PCDHA3: variants seen among roughly 807,000 people sequenced by gnomAD.
The protein encoded by PCDHA3 is protocadherin alpha 3.
A neutral mutation model predicts 62.2 loss-of-function variants in PCDHA3; 41 were observed. The ratio of observed to expected loss-of-function variants is 0.66; its 90% CI spans 0.51 to 0.86. The LOEUF (loss-of-function observed/expected upper bound fraction) is 0.86, where lower values mean the gene tolerates loss of function less well. Among genes scored for constraint, PCDHA3 ranks in the 40% least tolerant of loss-of-function variants. The pLI is 0.00. For missense variants in PCDHA3, 1,304 were observed against 1,241.2 expected, an observed-to-expected ratio of 1.05 and a Z score of -0.76; for synonymous variants, 640 against 555.4, an observed-to-expected ratio of 1.15 and a Z score of -2.14.
intron 1 of PCDHA3, chr5:140,856,463 C>T (rs782279735): frequency 1.3e-6 from 2 of 1,598,356 alleles, no homozygotes; most frequent in Admixed American, 3.4e-5. Context: ...AGAACAAAAG[C>T]TCTCAATACC....
intron 1 of PCDHA3, among the ~76,000 whole-genome samples, chr5:140,833,040 A>T (rs1043958176): frequency 3.9e-5 from 6 of 152,216 alleles, no homozygotes; most frequent in Non-Finnish European, 8.8e-5. Context: ...TGTGATATAA[A>T]GCAAGAAAAG....
chr5:140,882,870 A>T, intron 1 of PCDHA3: 1 of 1,614,196 alleles, frequency 6.2e-7, no homozygotes, highest in South Asian at 1.1e-5. Flanking sequence ...AAAACACTGG[A>T]CAGAGAGGAA....
chr5:140,986,042 C>T (rs1344724281), intron 3 of PCDHA3, among the ~76,000 whole-genome samples: 1 of 152,104 alleles, frequency 6.6e-6, no homozygotes, highest in Admixed American at 6.5e-5. Context: ...CCTGGCCTCA[C>T]TGATGAATTC....
intron 1 of PCDHA3, chr5:140,884,505 G>A: frequency 6.2e-7 from 1 of 1,614,170 alleles, no homozygotes. Context: ...AGCGCGGCAG[G>A]GAGTTGGTCG....
intron 3 of PCDHA3, among the ~76,000 whole-genome samples, chr5:141,000,339 ATC>A (rs1414297743): frequency 2.0e-5 from 2 of 102,334 alleles, no homozygotes; most frequent in Admixed American, 1.0e-4. Context: ...GCAAGGCCCT[ATC>A]TCTCTCTCTG....
chr5:140,884,734 C>A (rs1198575388), intron 1 of PCDHA3: 5 of 1,445,332 alleles, frequency 3.5e-6, no homozygotes, highest in Non-Finnish European at 4.6e-6. Flanking sequence ...TTTAAGACAT[C>A]TTTCCTGCCA....
In PCDHA3 at chr5:141,010,806, C is replaced by T. The variant is rs1404036886; in HGVS notation, c.*869C>T. ...GCAAAAGCAAAAGAAAACCCCGACA[C>T]CTCACCTTTCGCTGTTTGTTGTTTC... On this transcript the variant is annotated 3_prime_UTR_variant, in exon 4 of 4. Transcript: ENST00000522353. 2 of 153,736 alleles carry T rather than the reference C, an allele frequency of 1.3e-5. No individual in the cohort carries two copies. Among genetic ancestry groups the T allele is most frequent in the Non-Finnish European group, 1.5e-5 (1 of 68,048 alleles). 9.5% of individuals were successfully genotyped at this position (153,736 alleles called of 1,614,324 possible).
intron 1 of PCDHA3, chr5:140,842,811 G>A: frequency 6.3e-7 from 1 of 1,594,024 alleles, no homozygotes; most frequent in Non-Finnish European, 8.6e-7. Context: ...CTTGTGGAGC[G>A]GCGGGTGGGC....
intron 1 of PCDHA3, chr5:140,868,845 A>G (rs1242434681): frequency 6.7e-6 from 3 of 451,106 alleles, no homozygotes; most frequent in Non-Finnish European, 7.5e-6. Flanking sequence ...AACACGTGAA[A>G]TTCTGTGGTG....
intron 1 of PCDHA3, among the ~76,000 whole-genome samples, chr5:140,833,272 CTTAT>C (rs1464609454): frequency 1.3e-5 from 2 of 152,102 alleles, no homozygotes; most frequent in Non-Finnish European, 2.9e-5. Flanking sequence ...ATTATAAAAA[CTTAT>C]TTAGGAAAGC....
At chr5:140,902,560 G>T (rs558432897) in intron 1 of PCDHA3, among the ~76,000 whole-genome samples, 9 of 152,072 alleles carry the variant, frequency 5.9e-5, no homozygotes, top group Non-Finnish European at 1.2e-4. Flanking sequence ...CCAGATTTTT[G>T]AGGGTTTTTA....
chr5:140,840,744 A>T (rs2150309255), intron 1 of PCDHA3, among the ~76,000 whole-genome samples: 1 of 152,224 alleles, frequency 6.6e-6, no homozygotes, highest in Non-Finnish European at 1.5e-5. Flanking sequence ...ATTTAACAAT[A>T]AGAACACAAG....
At chr5:140,870,929 A>C in intron 1 of PCDHA3, 3 of 1,613,868 alleles carry the variant, frequency 1.9e-6, no homozygotes, top group Non-Finnish European at 2.5e-6. Context: ...CTTTCATATG[A>C]ATTGCAGCCG....
At chr5:140,842,623 G>T in intron 1 of PCDHA3, 2 of 1,579,148 alleles carry the variant, frequency 1.3e-6, no homozygotes, top group Non-Finnish European at 1.7e-6. Context: ...GCTCGCCTTC[G>T]CTGTGGGCCA....
chr5:140,929,398 AG>A, intron 1 of PCDHA3: 1 of 1,510,096 alleles, frequency 6.6e-7, no homozygotes, highest in Non-Finnish European at 8.9e-7. Flanking sequence ...AATATTTCTT[AG>A]ACAAGCCTTT....
chr5:140,957,883 A>C (rs1413437105), intron 1 of PCDHA3, among the ~76,000 whole-genome samples: 1 of 152,098 alleles, frequency 6.6e-6, no homozygotes. Flanking sequence ...TGAAAAGCTG[A>C]AGTTGGCATC....
rs191251073 is a variant in PCDHA3, at chr5:140,928,748, G to A, written c.2395-50201G>A. 503 of 1,614,114 alleles carry A rather than the reference G, an allele frequency of 3.1e-4. 5 individuals carry two copies. The East Asian group carries it at 1.0e-2, about 32-fold the overall frequency. Reference sequence around the variant, plus strand: ...ATTTCAGCCAATATAGGTGAGCTCCGTACTGCTCGCTTAGTTCTTCCCACT... The same window carrying A: ...ATTTCAGCCAATATAGGTGAGCTCCATACTGCTCGCTTAGTTCTTCCCACT... On this transcript the variant is annotated intron_variant, in intron 1 of 3. Transcript: ENST00000522353.
chr5:140,941,310 C>T (rs1375547519), intron 1 of PCDHA3, among the ~76,000 whole-genome samples: 10 of 79,218 alleles, frequency 1.3e-4, no homozygotes, highest in Non-Finnish European at 1.8e-4. Flanking sequence ...CTTTCTTTTT[C>T]TTCTTTCTCT....
intron 1 of PCDHA3, among the ~76,000 whole-genome samples, chr5:140,840,153 G>A (rs1284552041): frequency 6.6e-6 from 1 of 152,018 alleles, no homozygotes; most frequent in Non-Finnish European, 1.5e-5. Context: ...CACGTGAAAG[G>A]AGAGATGGGA....
Sources: gnomAD v4.1 joint callset for allele counts (sites outside exome capture counted in the v4.1 genomes callset) on GRCh38, gnomAD v4.1.1 for gene constraint, MANE v1.5 for transcripts, NCBI Gene and HGNC (gene_info 2026-07-23, HGNC 2026-07-21) for gene names.